Variants in FSTL5 observed in about 807,000 individuals in gnomAD.
FSTL5 encodes follistatin like 5.
In FSTL5, 62 loss-of-function variants were observed where a neutral mutation model predicts 89.1. The ratio of observed to expected loss-of-function variants is 0.70; its 90% CI spans 0.57 to 0.86. FSTL5 has a LOEUF of 0.86. Ranked by LOEUF, FSTL5 falls within the 40% of genes least tolerant of loss-of-function variation. The probability of loss-of-function intolerance (pLI) is 0.00; values close to 1 mark genes in which losing one functional copy is unlikely to be tolerated. For missense variants in FSTL5, 1,057 were observed against 1,001.6 expected, an observed-to-expected ratio of 1.06 and a Z score of -0.75; for synonymous variants, 383 against 346.2, an observed-to-expected ratio of 1.11 and a Z score of -1.18.
At chr4:162,037,398 T>C (rs1175224595) in intron 2 of FSTL5, among the ~76,000 whole-genome samples, 1 of 151,874 alleles carries the variant, frequency 6.6e-6, no homozygotes, top group Non-Finnish European at 1.5e-5. Context: ...TGTCTGAAAT[T>C]TGAGAAGATG....
intron 1 of FSTL5, among the ~76,000 whole-genome samples, chr4:162,144,040 G>A (rs1240544245): frequency 2.0e-5 from 3 of 152,078 alleles, no homozygotes; most frequent in Non-Finnish European, 2.9e-5. Flanking sequence ...CTATAATTAT[G>A]TCTAAAACAA....
chr4:161,813,478 G>A (rs1375026554), intron 4 of FSTL5, among the ~76,000 whole-genome samples: 1 of 152,158 alleles, frequency 6.6e-6, no homozygotes, highest in Admixed American at 6.5e-5. Flanking sequence ...TTCTGAATCA[G>A]CCACTTAATT....
At chr4:161,875,945 C>A (rs1732428718) in intron 4 of FSTL5, among the ~76,000 whole-genome samples, 1 of 152,112 alleles carries the variant, frequency 6.6e-6, no homozygotes, top group Non-Finnish European at 1.5e-5. Context: ...AATTGTTTCT[C>A]AACAACCACA....
At chr4:162,125,863 G>A (rs1447806559) in intron 1 of FSTL5, among the ~76,000 whole-genome samples, 1 of 151,844 alleles carries the variant, frequency 6.6e-6, no homozygotes, top group African/African-American at 2.4e-5. Flanking sequence ...ATTTCTACAT[G>A]TACTTTTGTG....
intron 10 of FSTL5, among the ~76,000 whole-genome samples, chr4:161,525,813 T>A (rs994654804): frequency 1.3e-5 from 2 of 152,200 alleles, no homozygotes; most frequent in South Asian, 2.1e-4. Context: ...CTTGGTAATA[T>A]GCAACTTTTT....
At chr4:161,392,133 T>C (rs1730841634) in intron 15 of FSTL5, among the ~76,000 whole-genome samples, 1 of 152,204 alleles carries the variant, frequency 6.6e-6, no homozygotes. Flanking sequence ...ACATTCAAAG[T>C]GTCCAGTTGC....
At chr4:161,414,853 T>A (rs1433383274) in intron 15 of FSTL5, among the ~76,000 whole-genome samples, 1 of 152,238 alleles carries the variant, frequency 6.6e-6, no homozygotes, top group Non-Finnish European at 1.5e-5. Context: ...GTTCTGGAGT[T>A]AGGTCTGGCT....
chr4:161,683,165 T>C (rs903467673), intron 6 of FSTL5, among the ~76,000 whole-genome samples: 1 of 152,322 alleles, frequency 6.6e-6, no homozygotes, highest in Non-Finnish European at 1.5e-5. Context: ...TACATAATTG[T>C]ATGTGCTATA....
intron 4 of FSTL5, among the ~76,000 whole-genome samples, chr4:161,888,730 T>C (rs923547088): frequency 3.3e-5 from 5 of 152,086 alleles, no homozygotes; most frequent in African/African-American, 9.7e-5. Context: ...GAAGTCATGA[T>C]TTGATTCTGT....
intron 6 of FSTL5, among the ~76,000 whole-genome samples, chr4:161,685,939 A>G (rs1044846416): frequency 6.6e-6 from 1 of 152,010 alleles, no homozygotes; most frequent in African/African-American, 2.4e-5. Flanking sequence ...CTTGTAGGCC[A>G]ATTTTGCTGA....
At chr4:161,917,588 G>A (rs751527288) in intron 4 of FSTL5, among the ~76,000 whole-genome samples, 12 of 151,870 alleles carry the variant, frequency 7.9e-5, no homozygotes, top group Admixed American at 6.6e-4. Flanking sequence ...CACTGTTTGC[G>A]TATATATTTA....
chr4:161,443,913 G>A (rs1212231163), intron 15 of FSTL5, among the ~76,000 whole-genome samples: 1 of 151,864 alleles, frequency 6.6e-6, no homozygotes, highest in Non-Finnish European at 1.5e-5. Context: ...TGCTGAAGGA[G>A]GGAGCTTCAA....
rs372854281 is a variant in FSTL5 at position 161,833,453 on chromosome 4, G to A, written c.410-57379C>T. Among the ~76,000 whole-genome samples the A allele has an allele frequency of 9.0e-3, 807 of 90,006 alleles. 48 individuals carry two copies. The highest frequency in any genetic ancestry group is 0.022 in the Middle Eastern group (4 of 182). The allele number at this position is 90,006 out of a possible 152,430, so 59.0% of individuals were successfully genotyped here. A position where few individuals can be genotyped will look rare whatever the true frequency, so the allele number is the denominator to read the frequency against. On this transcript the variant is annotated intron_variant, in intron 4 of 15. Transcript: ENST00000306100. ...GGTATCCTTGTTAACTTTCTGTCTCGTTGATCTGTCTAATGTTGACAGTGG... is the reference window on the plus strand; with the variant it reads ...GGTATCCTTGTTAACTTTCTGTCTCATTGATCTGTCTAATGTTGACAGTGG...
intron 4 of FSTL5, among the ~76,000 whole-genome samples, chr4:161,796,137 C>T (rs1729626035): frequency 6.6e-6 from 1 of 151,964 alleles, no homozygotes; most frequent in East Asian, 1.9e-4. Context: ...GTTTAAAGTA[C>T]CCATTCAAGT....
At chr4:161,990,661 A>C (rs1177991886) in intron 3 of FSTL5, among the ~76,000 whole-genome samples, 1 of 152,190 alleles carries the variant, frequency 6.6e-6, no homozygotes, top group East Asian at 1.9e-4. Context: ...ATAGTTTGAT[A>C]AGAACAGAGA....
At chr4:161,504,186 A>C (rs1730396080) in intron 11 of FSTL5, among the ~76,000 whole-genome samples, 1 of 151,996 alleles carries the variant, frequency 6.6e-6, no homozygotes, top group Admixed American at 6.6e-5. Context: ...TATTTTAACA[A>C]GTTAATGAAT....
At chr4:161,933,020 C>T (rs140737489) in intron 3 of FSTL5, among the ~76,000 whole-genome samples, 1,791 of 152,158 alleles carry the variant, frequency 0.012, 29 homozygotes, top group African/African-American at 0.041. Context: ...TTTTAGTTTG[C>T]GTATGATAAT....
chr4:162,123,484 T>A (rs574057620), intron 1 of FSTL5, among the ~76,000 whole-genome samples: 1 of 152,280 alleles, frequency 6.6e-6, no homozygotes, highest in African/African-American at 2.4e-5. Context: ...ACTATAAAGA[T>A]TCTCACAAAG....
At chr4:162,086,967 A>T (rs1391161405) in intron 2 of FSTL5, among the ~76,000 whole-genome samples, 2 of 152,078 alleles carry the variant, frequency 1.3e-5, no homozygotes, top group East Asian at 3.9e-4. Context: ...TTTAAAAGAG[A>T]TAACCTTCAT....
Sources: gnomAD v4.1 joint callset for allele counts (sites outside exome capture counted in the v4.1 genomes callset) on GRCh38, gnomAD v4.1.1 for gene constraint, MANE v1.5 for transcripts, NCBI Gene and HGNC (gene_info 2026-07-23, HGNC 2026-07-21) for gene names.